GLYATL2: variants seen among roughly 807,000 people sequenced by gnomAD.
GLYATL2 encodes glycine N-acyltransferase-like protein 2.
A neutral mutation model predicts 21.4 loss-of-function variants in GLYATL2; 25 were observed. That is an observed-to-expected ratio of 1.17 (90% CI 0.85 to 1.63). The LOEUF is 1.63. Ranked by LOEUF, GLYATL2 falls within the 40% of genes most tolerant of loss-of-function variation. The pLI, the probability that GLYATL2 is intolerant of heterozygous loss-of-function variation, is 0.00. For missense variants in GLYATL2, 361 were observed against 343.3 expected (o/e 1.05, Z -0.41); for synonymous variants, 114 against 118.2 (o/e 0.96, Z 0.23).
chr11:58,873,841 G>A (rs903786850), intron 1 of GLYATL2, among the ~76,000 whole-genome samples: 15 of 152,232 alleles, frequency 9.9e-5, no homozygotes, highest in African/African-American at 3.6e-4. Flanking sequence ...TTATTGATTG[G>A]AATAATTTCA....
intron 1 of GLYATL2, among the ~76,000 whole-genome samples, chr11:58,879,944 C>T (rs191309485): frequency 4.0e-4 from 61 of 151,636 alleles, no homozygotes; most frequent in African/African-American, 1.3e-3. Context: ...CTGCAAGCTC[C>T]GCCTCCCGGG....
At chr11:58,889,423 C>G (rs555806865) in intron 1 of GLYATL2, among the ~76,000 whole-genome samples, 8 of 152,004 alleles carry the variant, frequency 5.3e-5, no homozygotes, top group African/African-American at 1.7e-4. Context: ...CCTAAGAAAA[C>G]AATATCAACT....
At chr11:58,849,295 T>C (rs1195214428), upstream of GLYATL2, among the ~76,000 whole-genome samples, 2 of 152,208 alleles carry the variant, frequency 1.3e-5, no homozygotes, top group Admixed American at 1.3e-4. Context: ...CAGAATATTA[T>C]AACGCTGTTA....
Position 58,834,852 on chromosome 11 carries a change from A to G in GLYATL2, c.477-15T>C, listed in dbSNP as rs754800057. The G allele has an allele frequency of 6.5e-7, 1 of 1,542,778 alleles. No individual in the cohort carries two copies. The highest frequency in any genetic ancestry group is 2.1e-5 in the Admixed American group (1 of 47,156). On this transcript the variant is annotated splice_polypyrimidine_tract_variant and intron_variant, in intron 5 of 5. Coordinates refer to ENST00000287275, the MANE Select transcript of GLYATL2 (RefSeq NM_145016.4). ...AGTTTCCTTCCCTGTGAAGAAAAAG[A>G]ATTTTACATTTATTCAGCCAATATT...
At chr11:58,836,939 A>G in intron 5 of GLYATL2, 76 bp downstream of exon 5, 1 of 1,318,520 alleles carries the variant, frequency 7.6e-7, no homozygotes, top group Non-Finnish European at 1.1e-6. Context: ...CTCAAATCCT[A>G]CATTTCCAAG....
At chr11:58,855,684 A>G (rs920243368) in intron 1 of GLYATL2, among the ~76,000 whole-genome samples, 2 of 152,360 alleles carry the variant, frequency 1.3e-5, no homozygotes, top group East Asian at 1.9e-4. Context: ...CCTTGATGGC[A>G]TCTTCTTCCA....
At chr11:58,867,853 T>G (rs1854048228) in intron 1 of GLYATL2, among the ~76,000 whole-genome samples, 1 of 148,944 alleles carries the variant, frequency 6.7e-6, no homozygotes, top group South Asian at 2.2e-4. Context: ...GAGAATCCCC[T>G]GCTGGAGTCC....
chr11:58,881,168 G>C (rs1365532200), intron 1 of GLYATL2, among the ~76,000 whole-genome samples: 1 of 152,130 alleles, frequency 6.6e-6, no homozygotes, highest in Non-Finnish European at 1.5e-5. Context: ...TGCCAGGTAT[G>C]CATTTCATAT....
At chr11:58,843,624 A>G (rs1853591851) in intron 1 of GLYATL2, among the ~76,000 whole-genome samples, 2 of 152,202 alleles carry the variant, frequency 1.3e-5, no homozygotes, top group Admixed American at 1.3e-4. Flanking sequence ...AGAAGAGAAA[A>G]AGTAAAGTAG....
chr11:58,879,920 G>C (rs1429920889), intron 1 of GLYATL2, among the ~76,000 whole-genome samples: 1 of 150,330 alleles, frequency 6.7e-6, no homozygotes, highest in Non-Finnish European at 1.5e-5. Context: ...GTGCAGTGGC[G>C]CGATCTCGGC....
chr11:58,850,420 C>G (rs1853719067), intron 1 of GLYATL2, among the ~76,000 whole-genome samples: 1 of 151,978 alleles, frequency 6.6e-6, no homozygotes. Flanking sequence ...AGATATAGAT[C>G]ATAGATATGA....
chr11:58,862,441 T>C (rs1021630222), intron 1 of GLYATL2, among the ~76,000 whole-genome samples: 1 of 152,196 alleles, frequency 6.6e-6, no homozygotes, highest in African/African-American at 2.4e-5. Flanking sequence ...ACATGATATG[T>C]ACATTGGATC....
intron 1 of GLYATL2, among the ~76,000 whole-genome samples, chr11:58,876,088 C>G (rs973142230): frequency 6.6e-6 from 1 of 152,182 alleles, no homozygotes; most frequent in African/African-American, 2.4e-5. Flanking sequence ...GCATCGGTTA[C>G]TGAGGCTTGT....
intron 1 of GLYATL2, among the ~76,000 whole-genome samples, chr11:58,872,795 C>A (rs1031182799): frequency 3.9e-5 from 6 of 152,018 alleles, no homozygotes; most frequent in African/African-American, 7.2e-5. Flanking sequence ...TATGAACTTT[C>A]AAGTAGTTTT....
chr11:58,877,624 C>A (rs538697860), intron 1 of GLYATL2, among the ~76,000 whole-genome samples: 1 of 152,220 alleles, frequency 6.6e-6, no homozygotes, highest in South Asian at 2.1e-4. Flanking sequence ...TCTTGGAAAC[C>A]CAGTGAAGAA....
intron 3 of GLYATL2, among the ~76,000 whole-genome samples, 173 bp from the exon 4 acceptor site, chr11:58,837,570 G>C (rs1290702588): frequency 6.6e-6 from 1 of 152,220 alleles, no homozygotes; most frequent in African/African-American, 2.4e-5. Context: ...ATACACTGAA[G>C]ATAGTTGCTT....
intron 1 of GLYATL2, chr11:58,893,057 T>G (rs1854572570): frequency 2.6e-6 from 1 of 383,006 alleles, no homozygotes; most frequent in South Asian, 7.9e-5. Context: ...ACTCCCAATT[T>G]TAAATATGCC....
At chr11:58,878,472 TG>T (rs1854277561) in intron 1 of GLYATL2, 1 of 244,190 alleles carries the variant, frequency 4.1e-6, no homozygotes, top group African/African-American at 2.3e-5. Context: ...AAACTGGGTT[TG>T]GAGTTGCAAC....
intron 3 of GLYATL2, among the ~76,000 whole-genome samples, chr11:58,837,718 AG>A (rs1853465274): frequency 6.6e-6 from 1 of 152,228 alleles, no homozygotes; most frequent in Admixed American, 6.5e-5. Flanking sequence ...AGAAATATAA[AG>A]AACAGGTTTG....
Sources: gnomAD v4.1 joint callset for allele counts (sites outside exome capture counted in the v4.1 genomes callset) on GRCh38, gnomAD v4.1.1 for gene constraint, MANE v1.5 for transcripts, NCBI Gene and HGNC (gene_info 2026-07-23, HGNC 2026-07-21) for gene names.